The following RYR1 variants were observed in gnomAD, a reference collection of about 807,000 sequenced individuals.
The protein encoded by RYR1 is central core disease of muscle.
Under a neutral mutation model 583.5 loss-of-function variants are expected in RYR1, and 342 were observed. That is an observed-to-expected ratio of 0.59 (90% CI 0.54 to 0.64). The LOEUF (loss-of-function observed/expected upper bound fraction) is 0.64, where lower values mean the gene tolerates loss of function less well. RYR1 is among the 30% of genes least tolerant of loss of function. The probability of loss-of-function intolerance (pLI) is 0.00; values close to 1 mark genes in which losing one functional copy is unlikely to be tolerated. For synonymous variants in RYR1, 2,791 were observed against 2,822.5 expected (o/e 0.99, Z 0.35); for missense variants, 6,032 against 6,917.2 (o/e 0.87, Z 4.54).
chr19:38,576,164 A>C (rs1973948266), intron 97 of RYR1, among the ~76,000 whole-genome samples: 1 of 152,020 alleles, frequency 6.6e-6, no homozygotes, highest in Admixed American at 6.5e-5. Flanking sequence ...GAAAGAGCAG[A>C]GCATCAAGGC....
At position 38,448,516 on chromosome 19, in the gene RYR1, G is replaced by C; in HGVS notation, c.957+5G>C. 1 of 1,612,270 alleles carries C rather than the reference G, an allele frequency of 6.2e-7. No homozygotes were observed. Among genetic ancestry groups the C allele is most frequent in the South Asian group, 1.1e-5 (1 of 91,086 alleles). On this transcript the variant is annotated splice_donor_5th_base_variant and intron_variant, in intron 10 of 105. Coordinates refer to ENST00000359596, the MANE Select transcript of RYR1 (RefSeq NM_000540.3). ...TTCTGCTTCCGCATCTCCAAGGTCA[G>C]TGGGGTTTGTGGCGCCCTCCCTCAC... is the stretch of plus-strand genomic sequence containing the variant.
chr19:38,504,116 A>G, intron 49 of RYR1, 104 bp from the exon 50 acceptor site: 3 of 1,308,360 alleles, frequency 2.3e-6, no homozygotes, highest in Non-Finnish European at 2.2e-6. Flanking sequence ...CACCTCCTTC[A>G]TAATTTAAAA....
At chr19:38,469,253 C>G (rs1968287840) in intron 26 of RYR1, 52 bp from the exon 27 acceptor site, 17 of 1,609,696 alleles carry the variant, frequency 1.1e-5, no homozygotes, top group Non-Finnish European at 1.4e-5. Context: ...CCTCGGCTCC[C>G]TCTGCCCTGC....
chr19:38,486,835 A>G (rs1969322695), intron 34 of RYR1, among the ~76,000 whole-genome samples: 1 of 152,020 alleles, frequency 6.6e-6, no homozygotes, highest in Admixed American at 6.6e-5. Context: ...CATTCATCCT[A>G]TCCATTCATG....
In RYR1 at chr19:38,514,906, G is replaced by C. The variant is rs369098607; in HGVS notation, c.9473-120G>C. ...AAGTCACAAGACTCGTACATGGAAG[G>C]CTGGCTGTACATCTGCTTGCTCTTC... On this transcript the variant is annotated intron_variant, in intron 63 of 105. Coordinates refer to ENST00000359596, the MANE Select transcript of RYR1 (RefSeq NM_000540.3). The C allele has an allele frequency of 3.6e-5, 26 of 718,794 alleles. No homozygotes were observed. The African/African-American group carries it at 4.1e-4, about 11-fold the overall frequency. The allele number at this position is 718,794 out of a possible 1,614,324, so 44.5% of individuals were successfully genotyped here. A position where few individuals can be genotyped will look rare whatever the true frequency, so the allele number is the denominator to read the frequency against.
Position 38,486,074 on chromosome 19 carries a change from C to G in RYR1, c.5419C>G (p.Leu1807Val). The G allele has an allele frequency of 6.2e-7, 1 of 1,612,630 alleles. No homozygotes were observed. The highest frequency in any genetic ancestry group is 8.5e-7 in the Non-Finnish European group (1 of 1,179,370). The stretch of plus-strand genomic sequence containing the variant: ...CAGCCCTGCCATCCCGCTGGAGGCC[C>G]TGCGGGACAAGGCACTGAGGATGCT... ...RLSPAIPLEALRDKALRMLGE... is the reference protein window; with the variant it reads ...RLSPAIPLEAVRDKALRMLGE... The change falls in exon 34 of 106, where the codon CTG becomes GTG. Residue 1807 changes from leucine (L) to valine (V), a missense_variant. Transcript: ENST00000359596.
chr19:38,498,718 G>A lies in RYR1; in HGVS notation c.6892-390G>A, dbSNP rs553652281. On this transcript the variant is annotated intron_variant, in intron 42 of 105. Transcript: ENST00000359596. ...ATTGCCATGACATTTGTAAACTGTC[G>A]TGGCGCTGGTGGGAGTGCAGCAGTG... 3.9e-5 allele frequency among the ~76,000 whole-genome samples: 6 copies of A among 152,234 alleles called. No homozygotes were observed. In the South Asian group the frequency reaches 1.0e-3, roughly 26 times the overall value.
Position 38,469,361 on chromosome 19 carries a change from C to A in RYR1, c.3613C>A (p.Gln1205Lys). Residue 1205 changes from glutamine (Q) to lysine (K), a missense_variant, in exon 27 of 106, where the codon CAG (glutamine) becomes AAG (lysine). Physicochemically the swap from Gln to Lys is moderately conservative, Grantham distance 53. This residue lies in a region of RYR1 where 2,627 missense variants were observed against 2,961.3 expected (regional missense o/e 0.89). Coordinates refer to ENST00000359596, the MANE Select transcript of RYR1 (RefSeq NM_000540.3). ...CCAGGTGGGTCATCTGAACCTGGGC[C>A]AGGACGTGAGCTCTCTGAGGTTCTT... Reference protein sequence around the residue: ...PGQVGHLNLGQDVSSLRFFAI... With the variant: ...PGQVGHLNLGKDVSSLRFFAI... 6.2e-7 allele frequency: 1 copy of A among 1,614,100 alleles called. No individual in the cohort carries two copies.
In RYR1 at chr19:38,466,110, T is replaced by G. The variant is rs763821859; in HGVS notation, c.2890T>G (p.Tyr964Asp). The G allele has an allele frequency of 6.2e-7, 1 of 1,611,262 alleles. No individual in the cohort carries two copies. Among genetic ancestry groups the G allele is most frequent in the Non-Finnish European group, 8.5e-7 (1 of 1,179,012 alleles). Residue 964 changes from tyrosine (Y) to aspartate (D), a missense_variant, in exon 24 of 106, where the codon TAC becomes GAC. Tyr to Asp is a radical substitution (Grantham distance 160). This residue lies in a region of RYR1 where 2,627 missense variants were observed against 2,961.3 expected (regional missense o/e 0.89). Coordinates refer to ENST00000359596, the MANE Select transcript of RYR1 (RefSeq NM_000540.3). ...LPKTYMMSNG[Y>D]KPAPLDLSHV... is the part of the protein sequence containing the mutation. ...CCGCAGGTATATGATGAGCAATGGG[T>G]ACAAGCCGGCTCCGCTGGACCTGAG...
rs1393317681 is a variant in RYR1 at position 38,512,341 on chromosome 19, G to A, written c.9330G>A (p.Leu3110=). 7.4e-6 allele frequency: 12 copies of A among 1,614,080 alleles called. No homozygotes were observed. Among genetic ancestry groups the A allele is most frequent in the African/African-American group, 1.3e-5 (1 of 74,944 alleles). ...ACATCGAGAAGATGGTGGAGAACCT[G>A]CGGCTGGGCAAGGTGTCGCAGGCGC... The part of the protein sequence containing the change: ...SEDIEKMVEN[L]RLGKVSQART... The change falls in exon 63 of 106, where the codon CTG becomes CTA. Residue 3110 remains leucine, a synonymous_variant. Coordinates refer to ENST00000359596, the MANE Select transcript of RYR1 (RefSeq NM_000540.3). This position sits in a 1 kb window ranked among gnomAD's most constrained non-coding sequence, Gnocchi z 5.1.
At position 38,469,334 on chromosome 19, in the gene RYR1, G is replaced by A. The variant is rs761486341; in HGVS notation, c.3586G>A (p.Gly1196Ser). Residue 1196 changes from glycine to serine, a missense_variant, in exon 27 of 106, where the codon GGC becomes AGC. By Grantham distance (56) the Gly-to-Ser change is moderately conservative. Coordinates refer to ENST00000359596, the MANE Select transcript of RYR1 (RefSeq NM_000540.3). ...GFLPVCSLGP[G>S]QVGHLNLGQD... ...CCTGCCCGTCTGCAGCTTGGGACCT[G>A]GCCAGGTGGGTCATCTGAACCTGGG... is the stretch of plus-strand genomic sequence containing the variant. The A allele has an allele frequency of 6.2e-7, 1 of 1,613,966 alleles. No homozygotes were observed. The highest frequency in any genetic ancestry group is 1.7e-5 in the Admixed American group (1 of 59,986).
chr19:38,449,058 G>A (rs964784117), intron 11 of RYR1, among the ~76,000 whole-genome samples: 1 of 152,096 alleles, frequency 6.6e-6, no homozygotes, highest in African/African-American at 2.4e-5. Flanking sequence ...AAGACAAAGG[G>A]ATATATCTAC....
At chr19:38,509,144 C>T (rs1970611421) in intron 58 of RYR1, among the ~76,000 whole-genome samples, 1 of 152,128 alleles carries the variant, frequency 6.6e-6, no homozygotes, top group Non-Finnish European at 1.5e-5. Context: ...CGTCTCACCT[C>T]AAAGCCTGCC....
rs992165616 is a variant in RYR1 at position 38,504,089 on chromosome 19, A to G, written c.7927-131A>G. ...ATACCATTTCTTCCCTTATTAGCATATCATTTGCATAACCCACACCTCCTT... is the reference window on the plus strand; with the variant it reads ...ATACCATTTCTTCCCTTATTAGCATGTCATTTGCATAACCCACACCTCCTT... On this transcript the variant is annotated intron_variant, in intron 49 of 105. Transcript: ENST00000359596. 5.1e-6 allele frequency: 5 copies of G among 982,914 alleles called. No homozygotes were observed. The East Asian group carries it at 1.1e-4, about 21-fold the overall frequency. 60.9% of individuals were successfully genotyped at this position (982,914 alleles called of 1,614,324 possible). A position where few individuals can be genotyped will look rare whatever the true frequency, so the allele number is the denominator to read the frequency against.
rs1801086 is a variant in RYR1 at position 38,446,710 on chromosome 19, G to A, written c.742G>A (p.Gly248Arg). ...TGTCCCCAGACTTGTCTACTATGAGGGGGGAGCTGTGTGCACTCATGCCCG... is the reference window on the plus strand; with the variant it reads ...TGTCCCCAGACTTGTCTACTATGAGAGGGGAGCTGTGTGCACTCATGCCCG... ...DDQRRLVYYE[G>R]GAVCTHARSL... Residue 248 changes from glycine to arginine, a missense_variant, in exon 9 of 106, where the codon GGG (glycine) becomes AGG (arginine). Gly to Arg is a moderately radical substitution (Grantham distance 125). Around this residue, in one of 11 missense-constraint regions of RYR1, gnomAD observed 338 missense variants for 441.6 expected, o/e 0.77. Transcript: ENST00000359596. 3.1e-6 allele frequency: 5 copies of A among 1,613,962 alleles called. No individual in the cohort carries two copies. Among genetic ancestry groups the A allele is most frequent in the South Asian group, 1.1e-5 (1 of 91,078 alleles).
chr19:38,445,825 A>G (rs1972913825), intron 7 of RYR1, among the ~76,000 whole-genome samples: 1 of 152,106 alleles, frequency 6.6e-6, no homozygotes, highest in Admixed American at 6.6e-5. Flanking sequence ...CCCCATCTCT[A>G]CTAAAAATAC....
chr19:38,433,770 G>A lies in RYR1; in HGVS notation c.-60G>A, dbSNP rs1264948700. On this transcript the variant is annotated 5_prime_UTR_variant, in exon 1 of 106. Transcript: ENST00000359596. ...AGCCCGCCCCCAGCCCTCCCGCCCA[G>A]CCCGCAGCCCCCTCCCTCTGTTCCC... 2.4e-5 allele frequency: 6 copies of A among 255,022 alleles called. No homozygotes were observed. The highest frequency in any genetic ancestry group is 1.6e-4 in the East Asian group (2 of 12,690). The allele number at this position is 255,022 out of a possible 1,614,324, so 15.8% of individuals were successfully genotyped here.
Position 38,565,587 on chromosome 19 carries a change from G to A in RYR1, c.13253G>A (p.Gly4418Asp). Residue 4418 changes from glycine to aspartate, a missense_variant, in exon 91 of 106, where the codon GGC (glycine) becomes GAC (aspartate). By Grantham distance (94) the Gly-to-Asp change is moderately conservative. Transcript: ENST00000359596. This position sits in a 1 kb window ranked among gnomAD's most constrained non-coding sequence, Gnocchi z 4.7. ...GAGGGCGCTGGAGACGCCGCGGAGG[G>A]CGCTGGAGACGAGGAGGAGGCGGTG... is the stretch of plus-strand genomic sequence containing the variant. ...ASEGAGDAAE[G>D]AGDEEEAVHE... The A allele has an allele frequency of 6.8e-7, 1 of 1,465,020 alleles. No homozygotes were observed. The highest frequency in any genetic ancestry group is 9.0e-7 in the Non-Finnish European group (1 of 1,115,482). The allele number at this position is 1,465,020 out of a possible 1,614,324, so 90.8% of individuals were successfully genotyped here.
chr19:38,519,524 C>T (rs1971129139), intron 67 of RYR1, 70 bp downstream of exon 67: 1 of 1,519,490 alleles, frequency 6.6e-7, no homozygotes, highest in African/African-American at 1.4e-5. Flanking sequence ...CATCTGATCT[C>T]CGCCTCCTGA....
Sources: gnomAD v4.1 joint callset for allele counts (sites outside exome capture counted in the v4.1 genomes callset) on GRCh38, gnomAD v4.1.1 for gene constraint, gnomAD v4.1.1 regional missense constraint, Gnocchi (gnomAD v3.1) non-coding constraint, MANE v1.5 for transcripts, NCBI Gene and HGNC (gene_info 2026-07-23, HGNC 2026-07-21) for gene names.